Variants in EYS observed in about 807,000 individuals in gnomAD.
EYS encodes protein eyes shut homolog.
A neutral mutation model predicts 282.1 loss-of-function variants in EYS; 250 were observed. The ratio of observed to expected loss-of-function variants is 0.89; its 90% CI spans 0.80 to 0.98. The LOEUF (loss-of-function observed/expected upper bound fraction) is 0.98. Ranked by LOEUF, EYS falls within the 50% of genes least tolerant of loss-of-function variation. The pLI is 0.00. For synonymous variants in EYS, 1,355 were observed against 1,282.9 expected, an observed-to-expected ratio of 1.06 and a Z score of -1.20; for missense variants, 4,016 against 3,709.0, an observed-to-expected ratio of 1.08 and a Z score of -2.15.
chr6:65,259,586 T>C (rs1261094697), intron 12 of EYS, among the ~76,000 whole-genome samples: 1 of 152,148 alleles, frequency 6.6e-6, no homozygotes, highest in Non-Finnish European at 1.5e-5. Flanking sequence ...GTATTTCAGA[T>C]GAAAAATTTA....
rs532306442 is a variant in EYS, at chr6:65,097,302, T to C, written c.2024-39575A>G. On this transcript the variant is annotated intron_variant, in intron 12 of 42. Coordinates refer to ENST00000503581, the MANE Select transcript of EYS (RefSeq NM_001142800.2). ...AATCAAAACCACTATGAGTAATTAATCGACAGCTGTTAGGATGGCTATGAT... is the reference window on the plus strand; with the variant it reads ...AATCAAAACCACTATGAGTAATTAACCGACAGCTGTTAGGATGGCTATGAT... Among the ~76,000 whole-genome samples the C allele has an allele frequency of 6.0e-5, 9 of 150,890 alleles. No individual in the cohort carries two copies. The East Asian group carries it at 7.8e-4, about 13-fold the overall frequency.
chr6:65,061,315 C>A, intron 12 of EYS, among the ~76,000 whole-genome samples: 1 of 151,922 alleles, frequency 6.6e-6, no homozygotes, highest in East Asian at 1.9e-4. Flanking sequence ...ATTCATGTAT[C>A]CTTTTCAAAA....
At chr6:64,822,253 C>T (rs1764920996) in intron 20 of EYS, among the ~76,000 whole-genome samples, 1 of 152,000 alleles carries the variant, frequency 6.6e-6, no homozygotes, top group East Asian at 1.9e-4. Flanking sequence ...AAATACTTTT[C>T]ATACACATAG....
chr6:65,484,839 C>A (rs949932127), intron 5 of EYS, among the ~76,000 whole-genome samples: 1 of 152,182 alleles, frequency 6.6e-6, no homozygotes, highest in African/African-American at 2.4e-5. Context: ...TAGCTGTGAG[C>A]TGAATAAGGC....
At position 63,999,050 on chromosome 6, in the gene EYS, TG is replaced by T. The variant is rs1340040362; in HGVS notation, c.6834+24del. 2.9e-6 allele frequency: 4 copies of T among 1,400,738 alleles called. No individual in the cohort carries two copies. The Admixed American group carries it at 5.9e-5, about 21-fold the overall frequency. 86.8% of individuals were successfully genotyped at this position (1,400,738 alleles called of 1,614,324 possible). A position where few individuals can be genotyped will look rare whatever the true frequency, so the allele number is the denominator to read the frequency against. On this transcript the variant is annotated intron_variant, in intron 34 of 42. Coordinates refer to ENST00000503581, the MANE Select transcript of EYS (RefSeq NM_001142800.2). ...AAATACTGAGGGCACAATTAGTGTTTGGAACTGGATATTTGCATACCTACCT... is the reference window on the plus strand; with the variant it reads ...AAATACTGAGGGCACAATTAGTGTTTGAACTGGATATTTGCATACCTACCT...
chr6:65,002,272 C>G (rs1420002650), intron 13 of EYS, among the ~76,000 whole-genome samples: 1 of 147,382 alleles, frequency 6.8e-6, no homozygotes, highest in Non-Finnish European at 1.5e-5. Flanking sequence ...TGACTTACTT[C>G]AAGGTAATTT....
chr6:65,593,049 C>A (rs1765288547), intron 2 of EYS, among the ~76,000 whole-genome samples: 1 of 151,946 alleles, frequency 6.6e-6, no homozygotes, highest in Non-Finnish European at 1.5e-5. Context: ...TTCAGCATTA[C>A]CCCTAGGTGG....
chr6:65,329,919 C>T, intron 11 of EYS: 1 of 979,160 alleles, frequency 1.0e-6, no homozygotes, highest in Non-Finnish European at 1.2e-6. Context: ...AAACAGAACT[C>T]TTACTTATAA....
chr6:65,258,122 A>G (rs1276107181), intron 12 of EYS, among the ~76,000 whole-genome samples: 1 of 152,068 alleles, frequency 6.6e-6, no homozygotes, highest in African/African-American at 2.4e-5. Flanking sequence ...AAATATATAC[A>G]TCTAATATAT....
At chr6:64,509,871 A>G (rs1777329551) in intron 26 of EYS, among the ~76,000 whole-genome samples, 1 of 152,192 alleles carries the variant, frequency 6.6e-6, no homozygotes, top group Non-Finnish European at 1.5e-5. Flanking sequence ...GGCAAGAACT[A>G]AGCCAATTCA....
chr6:65,463,984 A>T (rs1032468513), intron 5 of EYS, among the ~76,000 whole-genome samples: 9 of 152,290 alleles, frequency 5.9e-5, no homozygotes, highest in African/African-American at 1.9e-4. Context: ...TTAATTTCAT[A>T]CAAATGTATG....
chr6:64,074,345 A>T (rs1354639396), intron 32 of EYS, among the ~76,000 whole-genome samples: 1 of 151,122 alleles, frequency 6.6e-6, no homozygotes, highest in Non-Finnish European at 1.5e-5. Flanking sequence ...TTAGTCTTAT[A>T]AAAAGAAATA....
chr6:65,051,445 T>C (rs1773265299), intron 13 of EYS, among the ~76,000 whole-genome samples: 1 of 151,592 alleles, frequency 6.6e-6, no homozygotes, highest in Non-Finnish European at 1.5e-5. Context: ...AAATTAAAAA[T>C]GTATATATGT....
At chr6:64,827,850 C>T (rs928485945) in intron 19 of EYS, among the ~76,000 whole-genome samples, 9 of 151,334 alleles carry the variant, frequency 5.9e-5, no homozygotes, top group Non-Finnish European at 1.0e-4. Flanking sequence ...AAACATGCAG[C>T]CATGGTGTTT....
At chr6:64,013,256 C>A (rs896835989) in intron 33 of EYS, among the ~76,000 whole-genome samples, 35 of 152,262 alleles carry the variant, frequency 2.3e-4, no homozygotes, top group African/African-American at 7.5e-4. Flanking sequence ...GATTTTCTTT[C>A]CGACTACGCT....
intron 2 of EYS, among the ~76,000 whole-genome samples, chr6:65,571,262 T>A (rs990183198): frequency 9.2e-5 from 14 of 151,808 alleles, no homozygotes; most frequent in African/African-American, 3.1e-4. Flanking sequence ...TCAGCTAAAA[T>A]ATATATATAT....
chr6:64,455,776 A>AC (rs1405687407), intron 26 of EYS, among the ~76,000 whole-genome samples: 1 of 144,238 alleles, frequency 6.9e-6, no homozygotes, highest in Non-Finnish European at 1.5e-5. Context: ...CCTGCAAAGG[A>AC]CATGAAGTTT....
chr6:64,183,342 C>T (rs1764843591), intron 31 of EYS, among the ~76,000 whole-genome samples: 1 of 152,108 alleles, frequency 6.6e-6, no homozygotes, highest in Non-Finnish European at 1.5e-5. Flanking sequence ...AGATTAGTGC[C>T]CTACTCATGT....
intron 22 of EYS, among the ~76,000 whole-genome samples, chr6:64,636,369 G>A (rs1045767228): frequency 6.6e-6 from 1 of 152,120 alleles, no homozygotes; most frequent in Non-Finnish European, 1.5e-5. Flanking sequence ...AATGGTGCTG[G>A]GAAAACTGGC....
Sources: allele counts gnomAD v4.1 joint callset (sites outside exome capture counted in the v4.1 genomes callset), GRCh38; gene constraint gnomAD v4.1.1; transcripts MANE v1.5; gene names NCBI Gene and HGNC (gene_info 2026-07-23, HGNC 2026-07-21).